Variants in RIPOR2 observed in about 807,000 individuals in gnomAD.
The protein encoded by RIPOR2 is rho family-interacting cell polarization regulator 2.
Under a neutral mutation model 114.5 loss-of-function variants are expected in RIPOR2, and 39 were observed. The observed-to-expected ratio is 0.34, with a 90% CI of 0.26 to 0.44. The LOEUF (loss-of-function observed/expected upper bound fraction) is 0.44. Among genes scored for constraint, RIPOR2 ranks in the 20% least tolerant of loss-of-function variants. The pLI, the probability that RIPOR2 is intolerant of heterozygous loss-of-function variation, is 1.00. For missense variants in RIPOR2, 1,007 were observed against 1,255.1 expected (o/e 0.80, Z 2.99); for synonymous variants, 445 against 484.4 (o/e 0.92, Z 1.07).
intron 1 of RIPOR2, among the ~76,000 whole-genome samples, chr6:24,948,762 CT>C (rs1189071970): frequency 6.6e-5 from 10 of 152,152 alleles, no homozygotes; most frequent in Non-Finnish European, 1.5e-4. Context: ...AACTCCCGAC[CT>C]CAGGTGATCC....
At chr6:24,861,195 G>A (rs1352809629) in intron 7 of RIPOR2, among the ~76,000 whole-genome samples, 159 bp from the exon 8 acceptor site, 1 of 152,202 alleles carries the variant, frequency 6.6e-6, no homozygotes, top group Non-Finnish European at 1.5e-5. Flanking sequence ...TTGACAAAAT[G>A]TTTGATCTGA....
chr6:24,870,002 T>C (rs1390869126), intron 5 of RIPOR2, among the ~76,000 whole-genome samples: 3 of 152,108 alleles, frequency 2.0e-5, no homozygotes, highest in African/African-American at 4.8e-5. Context: ...GATTCAGCAT[T>C]GAAATAAAAT....
chr6:24,806,278 C>A lies in RIPOR2; in HGVS notation c.*95G>T. 1 of 856,732 alleles carries A rather than the reference C, an allele frequency of 1.2e-6. No homozygotes were observed. Among genetic ancestry groups the A allele is most frequent in the South Asian group, 1.5e-5 (1 of 66,498 alleles). The allele number at this position is 856,732 out of a possible 1,614,324, so 53.1% of individuals were successfully genotyped here. On this transcript the variant is annotated 3_prime_UTR_variant, in exon 22 of 22. Transcript: ENST00000643898. ...TACATTTTTATTTCAGTTGTCGTGT[C>A]TCTCAGGCTCTAAACAATTTCCAGC...
At chr6:24,951,058 T>G (rs547367911) in intron 1 of RIPOR2, among the ~76,000 whole-genome samples, 1 of 152,248 alleles carries the variant, frequency 6.6e-6, no homozygotes, top group Non-Finnish European at 1.5e-5. Flanking sequence ...ATCAATGACT[T>G]CATTGATTTC....
At chr6:24,916,059 C>A (rs1299617857) in intron 1 of RIPOR2, among the ~76,000 whole-genome samples, 1 of 152,192 alleles carries the variant, frequency 6.6e-6, no homozygotes, top group Non-Finnish European at 1.5e-5. Flanking sequence ...GGACCTATGT[C>A]CTCATCTATC....
chr6:24,847,953 G>A, intron 12 of RIPOR2, 72 bp downstream of exon 12: 2 of 1,584,162 alleles, frequency 1.3e-6, no homozygotes, highest in South Asian at 1.1e-5. Flanking sequence ...TGTCTCTTAA[G>A]CATTTCAAAT....
chr6:24,959,498 G>A (rs1431799913), intron 1 of RIPOR2, among the ~76,000 whole-genome samples: 1 of 152,152 alleles, frequency 6.6e-6, no homozygotes, highest in Non-Finnish European at 1.5e-5. Context: ...CCAGGAGGGT[G>A]GCCTCACTTC....
intron 20 of RIPOR2, among the ~76,000 whole-genome samples, chr6:24,811,056 C>T (rs1261837141): frequency 6.6e-6 from 1 of 152,100 alleles, no homozygotes; most frequent in African/African-American, 2.4e-5. Context: ...CCACCGGCCT[C>T]AGCCTCCCAA....
At chr6:25,038,214 A>T (rs114812857) in intron 1 of RIPOR2, among the ~76,000 whole-genome samples, 2,688 of 152,358 alleles carry the variant, frequency 0.018, 43 homozygotes, top group Non-Finnish European at 0.033. Context: ...AGTAGCTCAA[A>T]ATCGAAGTTC....
intron 1 of RIPOR2, among the ~76,000 whole-genome samples, chr6:24,953,981 T>C (rs780151234): frequency 6.6e-6 from 1 of 152,214 alleles, no homozygotes. Context: ...ATGAACCTAG[T>C]GATGGGAAAG....
intron 1 of RIPOR2, among the ~76,000 whole-genome samples, chr6:24,897,512 G>A (rs1321116458): frequency 6.6e-6 from 1 of 152,140 alleles, no homozygotes; most frequent in Non-Finnish European, 1.5e-5. Context: ...ATTAATATTC[G>A]CAGCAGGAAA....
At chr6:24,942,471 C>A (rs1294506608) in intron 1 of RIPOR2, among the ~76,000 whole-genome samples, 2 of 152,144 alleles carry the variant, frequency 1.3e-5, no homozygotes, top group Admixed American at 1.3e-4. Flanking sequence ...AGTTCTAGAT[C>A]CCTGAGGAAT....
intron 19 of RIPOR2, among the ~76,000 whole-genome samples, chr6:24,821,184 G>GTTTTT (rs34318379): frequency 7.8e-6 from 1 of 127,976 alleles, no homozygotes; most frequent in Non-Finnish European, 1.6e-5. Context: ...GTTTAACACT[G>GTTTTT]TTTTTTTTTT....
chr6:24,983,484 C>A (rs1366677902), intron 1 of RIPOR2, among the ~76,000 whole-genome samples: 1 of 152,068 alleles, frequency 6.6e-6, no homozygotes, highest in African/African-American at 2.4e-5. Context: ...AGGCCAGGCG[C>A]GGTGGCTTAC....
rs547445839 is a variant in RIPOR2, at chr6:24,961,909, G to T, written c.76+79942C>A. On this transcript the variant is annotated intron_variant, in intron 1 of 13. Transcript: ENST00000510784. ...CCCAAAGTGCTGGGATTATAAGCATGAGCCACCGCACCTCGCCTATTCTAA... is the reference window on the plus strand; with the variant it reads ...CCCAAAGTGCTGGGATTATAAGCATTAGCCACCGCACCTCGCCTATTCTAA... Among the ~76,000 whole-genome samples, 7 of 152,272 alleles carry T rather than the reference G, an allele frequency of 4.6e-5. No homozygotes were observed. The South Asian group carries it at 1.0e-3, about 23-fold the overall frequency.
intron 1 of RIPOR2, among the ~76,000 whole-genome samples, chr6:24,958,924 G>T (rs186838256): frequency 8.0e-5 from 12 of 149,268 alleles, no homozygotes; most frequent in African/African-American, 1.7e-4. Flanking sequence ...GTGTTCCTTG[G>T]TTTGTAGATG....
At chr6:24,822,812 GC>G (rs1759821172) in intron 19 of RIPOR2, among the ~76,000 whole-genome samples, 1 of 152,208 alleles carries the variant, frequency 6.6e-6, no homozygotes, top group African/African-American at 2.4e-5. Flanking sequence ...GAGCCACTGC[GC>G]CCGGCCTATT....
intron 1 of RIPOR2, among the ~76,000 whole-genome samples, chr6:24,905,022 G>A (rs560507940): frequency 1.9e-4 from 29 of 152,140 alleles, no homozygotes; most frequent in African/African-American, 6.7e-4. Context: ...TGATCCACCC[G>A]CCTCAGCCTC....
rs1777303481 is a variant in RIPOR2, at chr6:25,037,572, T to C, written c.76+4279A>G. Among the ~76,000 whole-genome samples, 1 of 152,242 alleles carries C rather than the reference T, an allele frequency of 6.6e-6. No homozygotes were observed. Among genetic ancestry groups the C allele is most frequent in the African/African-American group, 2.4e-5 (1 of 41,450 alleles). On this transcript the variant is annotated intron_variant, in intron 1 of 13. Coordinates refer to the RIPOR2 transcript ENST00000510784. This position sits in a 1 kb window ranked among gnomAD's most constrained non-coding sequence, Gnocchi z 4.5. ...ACATGTGTGTCTTTGTAGTGACCTT[T>C]GGCCTCTTTTAAAATTCAAATATCC...
Sources: allele counts gnomAD v4.1 joint callset (sites outside exome capture counted in the v4.1 genomes callset), GRCh38; gene constraint gnomAD v4.1.1; non-coding constraint Gnocchi (gnomAD v3.1); transcripts MANE v1.5; gene names NCBI Gene and HGNC (gene_info 2026-07-23, HGNC 2026-07-21).